Variants in PNPO observed in about 807,000 individuals in gnomAD.
PNPO encodes pyridoxamine 5'-phosphate oxidase.
PNPO carries 39 observed loss-of-function variants against 35.0 expected under a neutral mutation model. The ratio of observed to expected loss-of-function variants is 1.11; its 90% CI spans 0.86 to 1.45. The LOEUF is 1.45. PNPO is among the 40% of genes most tolerant of loss of function. PNPO has a pLI of 0.00. For synonymous variants in PNPO, 115 were observed against 119.8 expected (o/e 0.96, Z 0.26); for missense variants, 288 against 340.0 (o/e 0.85, Z 1.20).
chr17:47,941,726 GT>G lies in PNPO; in HGVS notation c.52del (p.Trp18GlyfsTer36). On this transcript the variant is annotated frameshift_variant, in exon 1 of 7. Transcript: ENST00000642017. LOFTEE classifies it high-confidence loss of function. ...CGGCGACGTTCGGGCGACCTGCCGA[GT>G]GGCCAGGCTACCTCAGTCACCTGTG... ...VTATFGRPAE[W>X]PGYLSHLCGR... The G allele has an allele frequency of 6.5e-7, 1 of 1,547,202 alleles. No homozygotes were observed. The highest frequency in any genetic ancestry group is 8.7e-7 in the Non-Finnish European group (1 of 1,144,036).
rs2144166393 is a variant in PNPO, at chr17:47,946,550, G to C, written c.618-64G>C. 16 of 1,553,886 alleles carry C rather than the reference G, an allele frequency of 1.0e-5. No individual in the cohort carries two copies. In the South Asian group the frequency reaches 1.8e-4, roughly 17 times the overall value. The stretch of plus-strand genomic sequence containing the variant: ...CAAGAGGCCCTGGGATGAGGGGTGA[G>C]GGTGGGAGAGTGACCTGGCTAGAAA... On this transcript the variant is annotated intron_variant, in intron 6 of 6. Coordinates refer to ENST00000642017, the MANE Select transcript of PNPO (RefSeq NM_018129.4).
Position 47,945,626 on chromosome 17 carries a change from C to T in PNPO, c.417+14C>T. The T allele has an allele frequency of 1.9e-6, 3 of 1,607,566 alleles. No homozygotes were observed. The highest frequency in any genetic ancestry group is 2.6e-6 in the Non-Finnish European group (3 of 1,174,086). On this transcript the variant is annotated intron_variant, in intron 4 of 6. Transcript: ENST00000642017. This position sits in a 1 kb window ranked among gnomAD's most constrained non-coding sequence, Gnocchi z 4.0. ...CTTAACCGTCAGGTGAGTGAATTTTCCCAGGACAGCCTGGGATGGGCTGGG... is the reference window on the plus strand; with the variant it reads ...CTTAACCGTCAGGTGAGTGAATTTTTCCAGGACAGCCTGGGATGGGCTGGG...
intron 5 of PNPO, 41 bp downstream of exon 5, chr17:47,946,030 T>C: frequency 6.2e-7 from 1 of 1,610,228 alleles, no homozygotes; most frequent in Non-Finnish European, 8.5e-7. Context: ...TGGTGGAGGC[T>C]TTGGCTTATC....
At position 47,946,148 on chromosome 17, in the gene PNPO, A is replaced by G. The variant is rs1041800438; in HGVS notation, c.546+159A>G. ...GACAGTGAGAAGGGAAAGTGGGGGT[A>G]GGGAGAGGGGAAATAGGCCTCCTCT... On this transcript the variant is annotated intron_variant, in intron 5 of 6. Coordinates refer to ENST00000642017, the MANE Select transcript of PNPO (RefSeq NM_018129.4). 96 of 1,113,574 alleles carry G rather than the reference A, an allele frequency of 8.6e-5. No individual in the cohort carries two copies. The South Asian group carries it at 1.0e-3, about 12-fold the overall frequency. 69.0% of individuals were successfully genotyped at this position (1,113,574 alleles called of 1,614,324 possible). A position where few individuals can be genotyped will look rare whatever the true frequency, so the allele number is the denominator to read the frequency against.
chr17:47,945,025 T>G lies in PNPO; in HGVS notation c.363+310T>G. The G allele has an allele frequency of 2.2e-6, 1 of 455,782 alleles. No homozygotes were observed. Among genetic ancestry groups the G allele is most frequent in the Non-Finnish European group, 4.1e-6 (1 of 245,856 alleles). 28.2% of individuals were successfully genotyped at this position (455,782 alleles called of 1,614,324 possible). ...TCATGCTGTTTGCTGCCATTATAAC[T>G]TGCAACTTTCTTTTTTGTCTTCTTC... On this transcript the variant is annotated intron_variant, in intron 3 of 6. Transcript: ENST00000642017. The surrounding 1 kb of genome is among the most constrained non-coding windows in gnomAD (Gnocchi z 4.0).
intron 1 of PNPO, 129 bp from the exon 2 acceptor site, chr17:47,943,177 C>A: frequency 1.4e-6 from 1 of 707,912 alleles, no homozygotes; most frequent in South Asian, 1.6e-5. Context: ...TTACTGCATA[C>A]TATTTCTTAT....
intron 6 of PNPO, 25 bp from the exon 7 acceptor site, chr17:47,946,589 C>G (rs1428125418): frequency 3.1e-6 from 5 of 1,613,366 alleles, no homozygotes; most frequent in Non-Finnish European, 3.4e-6. Context: ...CCACAGAGCA[C>G]TGAAACCTCT....
Position 47,946,872 on chromosome 17 carries a change from A to G in PNPO, c.*90A>G, listed in dbSNP as rs2036018295. ...ACCCAGGCCCTTCTTTCTAAACTCA[A>G]CCCATTTCCCTCCCTACCCCTTATC... is the stretch of plus-strand genomic sequence containing the variant. On this transcript the variant is annotated 3_prime_UTR_variant, in exon 7 of 7. Transcript: ENST00000642017. The G allele has an allele frequency of 8.1e-7, 1 of 1,229,136 alleles. No homozygotes were observed. Among genetic ancestry groups the G allele is most frequent in the African/African-American group, 1.5e-5 (1 of 67,568 alleles). 76.1% of individuals were successfully genotyped at this position (1,229,136 alleles called of 1,614,324 possible). A position where few individuals can be genotyped will look rare whatever the true frequency, so the allele number is the denominator to read the frequency against.
intron 6 of PNPO, 36 bp from the exon 7 acceptor site, chr17:47,946,578 T>G: frequency 6.2e-7 from 1 of 1,610,120 alleles, no homozygotes. Flanking sequence ...GCTAGAAAAC[T>G]CCACAGAGCA....
rs2036018323 is a variant in PNPO at position 47,946,873 on chromosome 17, C to T, written c.*91C>T. On this transcript the variant is annotated 3_prime_UTR_variant, in exon 7 of 7. Transcript: ENST00000642017. Reference sequence around the variant, plus strand: ...CCCAGGCCCTTCTTTCTAAACTCAACCCATTTCCCTCCCTACCCCTTATCT... The same window carrying T: ...CCCAGGCCCTTCTTTCTAAACTCAATCCATTTCCCTCCCTACCCCTTATCT... 2.5e-6 allele frequency: 3 copies of T among 1,195,402 alleles called. No individual in the cohort carries two copies. Among genetic ancestry groups the T allele is most frequent in the African/African-American group, 1.5e-5 (1 of 66,848 alleles). The allele number at this position is 1,195,402 out of a possible 1,614,324, so 74.0% of individuals were successfully genotyped here.
chr17:47,941,985 C>T, intron 1 of PNPO, 172 bp downstream of exon 1: 1 of 1,338,188 alleles, frequency 7.5e-7, no homozygotes, highest in Non-Finnish European at 9.6e-7. Flanking sequence ...CAAAGACATC[C>T]CACCAGGGGA....
In PNPO at chr17:47,945,976, T is replaced by G; in HGVS notation, c.533T>G (p.Ile178Ser). 1.9e-6 allele frequency: 3 copies of G among 1,613,968 alleles called. No homozygotes were observed. Among genetic ancestry groups the G allele is most frequent in the Non-Finnish European group, 2.5e-6 (3 of 1,180,032 alleles). Residue 178 changes from isoleucine to serine, a missense_variant, in exon 5 of 7, where the codon ATC (isoleucine) becomes AGC (serine). Coordinates refer to ENST00000642017, the MANE Select transcript of PNPO (RefSeq NM_018129.4). The surrounding 1 kb of genome is among the most constrained non-coding windows in gnomAD (Gnocchi z 4.0). Reference protein sequence around the residue: ...GAVVSHQSSVIPDREYLRKKN... With the variant: ...GAVVSHQSSVSPDREYLRKKN... ...GTGGTCAGCCACCAGAGTTCTGTGATCCCTGATCGGGAGGTGAGTGGAGCT... is the reference window on the plus strand; with the variant it reads ...GTGGTCAGCCACCAGAGTTCTGTGAGCCCTGATCGGGAGGTGAGTGGAGCT...
At chr17:47,944,281 A>C (rs2035980984) in intron 2 of PNPO, among the ~76,000 whole-genome samples, 2 of 151,076 alleles carry the variant, frequency 1.3e-5, no homozygotes, top group East Asian at 3.9e-4. Context: ...CTTCTCTTAC[A>C]GTGACACCAG....
Position 47,947,000 on chromosome 17 carries a change from G to A in PNPO, c.*218G>A. ...ATGGTGGCGTAGAGAATCACAAATGGAAAATAATTCCATAATTATTTTTTT... is the reference window on the plus strand; with the variant it reads ...ATGGTGGCGTAGAGAATCACAAATGAAAAATAATTCCATAATTATTTTTTT... On this transcript the variant is annotated 3_prime_UTR_variant, in exon 7 of 7. Transcript: ENST00000642017. 1 of 580,114 alleles carries A rather than the reference G, an allele frequency of 1.7e-6. No individual in the cohort carries two copies. Among genetic ancestry groups the A allele is most frequent in the South Asian group, 2.1e-5 (1 of 48,366 alleles). 35.9% of individuals were successfully genotyped at this position (580,114 alleles called of 1,614,324 possible).
rs897377683 is a variant in PNPO, at chr17:47,948,971, C to T, written c.*2189C>T. On this transcript the variant is annotated 3_prime_UTR_variant, in exon 7 of 7. Transcript: ENST00000642017. ...CCTGCATGGACCTGTGCCTCAGTCA[C>T]TATTATCCGCAGGCCTTCTCCAAGG... is the stretch of plus-strand genomic sequence containing the variant. 1.3e-5 allele frequency: 2 copies of T among 152,400 alleles called. No homozygotes were observed. The highest frequency in any genetic ancestry group is 2.9e-5 in the Non-Finnish European group (2 of 68,174). 9.4% of individuals were successfully genotyped at this position (152,400 alleles called of 1,614,324 possible). A position where few individuals can be genotyped will look rare whatever the true frequency, so the allele number is the denominator to read the frequency against.
chr17:47,942,575 A>G (rs2035954813), intron 1 of PNPO, among the ~76,000 whole-genome samples: 1 of 152,212 alleles, frequency 6.6e-6, no homozygotes, highest in South Asian at 2.1e-4. Context: ...TACTGCCTTC[A>G]GTACTTTCTG....
In PNPO at chr17:47,948,736, C is replaced by G. The variant is rs2036039631; in HGVS notation, c.*1954C>G. Reference sequence around the variant, plus strand: ...CACAGTCTATGATCCTTTAGTGACCCTCAGCTGAGTCCTGTGCTGAACTGT... The same window carrying G: ...CACAGTCTATGATCCTTTAGTGACCGTCAGCTGAGTCCTGTGCTGAACTGT... On this transcript the variant is annotated 3_prime_UTR_variant, in exon 7 of 7. Transcript: ENST00000642017. 2 of 152,278 alleles carry G rather than the reference C, an allele frequency of 1.3e-5. No homozygotes were observed. Among genetic ancestry groups the G allele is most frequent in the South Asian group, 2.1e-4 (1 of 4,836 alleles). The allele number at this position is 152,278 out of a possible 1,614,324, so 9.4% of individuals were successfully genotyped here. A position where few individuals can be genotyped will look rare whatever the true frequency, so the allele number is the denominator to read the frequency against.
At position 47,945,343 on chromosome 17, in the gene PNPO, C is replaced by G; in HGVS notation, c.364-216C>G. On this transcript the variant is annotated intron_variant, in intron 3 of 6. Coordinates refer to ENST00000642017, the MANE Select transcript of PNPO (RefSeq NM_018129.4). The surrounding 1 kb of genome is among the most constrained non-coding windows in gnomAD (Gnocchi z 4.0). Reference sequence around the variant, plus strand: ...CACTTTGGAGTCCGACTGGCTTAAACTTAGCTCCACCACTTCCTGCAGGAA... The same window carrying G: ...CACTTTGGAGTCCGACTGGCTTAAAGTTAGCTCCACCACTTCCTGCAGGAA... The G allele has an allele frequency of 3.5e-6, 2 of 574,974 alleles. No individual in the cohort carries two copies. The highest frequency in any genetic ancestry group is 1.9e-5 in the African/African-American group (1 of 53,612). 35.6% of individuals were successfully genotyped at this position (574,974 alleles called of 1,614,324 possible).
intron 1 of PNPO, 88 bp downstream of exon 1, chr17:47,941,901 C>G: frequency 1.4e-6 from 2 of 1,423,106 alleles, no homozygotes; most frequent in South Asian, 2.8e-5. Context: ...GTAGTAGGAG[C>G]CCCTCGGGGC....
Sources: allele counts gnomAD v4.1 joint callset (sites outside exome capture counted in the v4.1 genomes callset), GRCh38; gene constraint gnomAD v4.1.1; non-coding constraint Gnocchi (gnomAD v3.1); transcripts MANE v1.5; gene names NCBI Gene and HGNC (gene_info 2026-07-23, HGNC 2026-07-21).